The following GSE1 variants were observed in gnomAD, a reference collection of about 807,000 sequenced individuals.
GSE1 encodes genetic suppressor element 1.
Under a neutral mutation model 112.6 loss-of-function variants are expected in GSE1, and 32 were observed. That is an observed-to-expected ratio of 0.28 (90% CI 0.21 to 0.38). GSE1 has a LOEUF of 0.38. Ranked by LOEUF, GSE1 falls within the 10% of genes least tolerant of loss-of-function variation. The pLI is 1.00. For synonymous variants in GSE1, 1,115 were observed against 735.6 expected, an observed-to-expected ratio of 1.52 and a Z score of -8.35; for missense variants, 2,348 against 1,699.2, an observed-to-expected ratio of 1.38 and a Z score of -6.71.
chr16:85,448,889 G>GT (rs1444336279), intron 2 of GSE1, among the ~76,000 whole-genome samples: 1 of 152,220 alleles, frequency 6.6e-6, no homozygotes, highest in Non-Finnish European at 1.5e-5. Flanking sequence ...GTGAACTCCG[G>GT]TTTTGGGTCA....
chr16:85,374,969 C>T (rs931370790), intron 2 of GSE1, among the ~76,000 whole-genome samples: 5 of 152,204 alleles, frequency 3.3e-5, no homozygotes, highest in Admixed American at 2.6e-4. Context: ...CCCCGAGTGT[C>T]ATGGTAGAAA....
chr16:85,180,395 A>G (rs1597729857), intron 1 of GSE1, among the ~76,000 whole-genome samples: 3 of 152,160 alleles, frequency 2.0e-5, no homozygotes, highest in Admixed American at 2.0e-4. Context: ...CCTGCCCATC[A>G]TTAGTGTCAT....
intron 2 of GSE1, among the ~76,000 whole-genome samples, chr16:85,451,971 C>G (rs151318928): frequency 5.3e-5 from 8 of 152,124 alleles, no homozygotes; most frequent in South Asian, 2.1e-4. Context: ...GCCTCCCCCC[C>G]TCACCGAGTT....
rs552769444 is a variant in GSE1, at chr16:85,567,609, C to CT, written c.37+11247dup. Among the ~76,000 whole-genome samples, 1,450 of 152,344 alleles carry CT rather than the reference C, an allele frequency of 9.5e-3. 21 individuals carry two copies. The highest frequency in any genetic ancestry group is 0.033 in the African/African-American group (1,378 of 41,578). On this transcript the variant is annotated intron_variant, in intron 1 of 2. Transcript: ENST00000635906. ...GTGGTCCCAGCTCACAAGCGGAAAG[C>CT]TGCACGGCCTTTTAGGGCCTAGCCT...
chr16:85,331,707 AT>A lies in GSE1; in HGVS notation c.2284-25736del, dbSNP rs566551746. Among the ~76,000 whole-genome samples, 183 of 51,926 alleles carry A rather than the reference AT, an allele frequency of 3.5e-3. 4 individuals carry two copies. Among genetic ancestry groups the A allele is most frequent in the African/African-American group, 9.9e-3 (164 of 16,586 alleles). 34.1% of individuals were successfully genotyped at this position (51,926 alleles called of 152,430 possible). A position where few individuals can be genotyped will look rare whatever the true frequency, so the allele number is the denominator to read the frequency against. The stretch of plus-strand genomic sequence containing the variant: ...TGTGTATATATATATATATATATAT[AT>A]TTTTTTTTTTTTTTTTTTTAGTTAA... On this transcript the variant is annotated intron_variant, in intron 1 of 2. Coordinates refer to the GSE1 transcript ENST00000637419.
Position 85,666,235 on chromosome 16 carries a change from C to T in GSE1, c.3018C>T (p.His1006=). Residue 1006 remains histidine (H), a synonymous_variant, in exon 13 of 16, where the codon CAC becomes CAT. Coordinates refer to ENST00000253458, the MANE Select transcript of GSE1 (RefSeq NM_014615.5). ...AGGACATTCCTGTGCCGCTGTCCCACAGCACCAATGGGAAGAGCAAGCCGT... is the reference window on the plus strand; with the variant it reads ...AGGACATTCCTGTGCCGCTGTCCCATAGCACCAATGGGAAGAGCAAGCCGT... ...APKDIPVPLS[H]STNGKSKPWE... 2 of 1,613,824 alleles carry T rather than the reference C, an allele frequency of 1.2e-6. No individual in the cohort carries two copies. Among genetic ancestry groups the T allele is most frequent in the Non-Finnish European group, 1.7e-6 (2 of 1,180,044 alleles).
chr16:85,652,383 C>G (rs928076697), intron 3 of GSE1, among the ~76,000 whole-genome samples: 1 of 152,198 alleles, frequency 6.6e-6, no homozygotes, highest in Non-Finnish European at 1.5e-5. Flanking sequence ...AAGTTCCCGG[C>G]CCCACGCAGG....
chr16:85,389,392 G>T (rs2047780313), intron 2 of GSE1, among the ~76,000 whole-genome samples: 1 of 151,760 alleles, frequency 6.6e-6, no homozygotes, highest in South Asian at 2.1e-4. Flanking sequence ...CCCGGGCGGG[G>T]GAGGTTGCGG....
intron 1 of GSE1, among the ~76,000 whole-genome samples, chr16:85,566,169 G>C (rs141949059): frequency 6.8e-4 from 103 of 152,298 alleles, no homozygotes; most frequent in Middle Eastern, 6.8e-3. Context: ...ATAGCTCCCA[G>C]CTGTCATGCT....
chr16:85,589,388 G>A (rs2046866393), intron 1 of GSE1, among the ~76,000 whole-genome samples: 1 of 152,184 alleles, frequency 6.6e-6, no homozygotes, highest in African/African-American at 2.4e-5. Flanking sequence ...CTGGATGCTG[G>A]GTGGGCAGGG....
At chr16:85,482,824 A>G (rs1450173306) in intron 2 of GSE1, among the ~76,000 whole-genome samples, 1 of 152,118 alleles carries the variant, frequency 6.6e-6, no homozygotes, top group Admixed American at 6.5e-5. Context: ...CTAAAAATAC[A>G]AAGATTAGCC....
chr16:85,481,309 C>G (rs188027104), intron 2 of GSE1, among the ~76,000 whole-genome samples: 1 of 152,326 alleles, frequency 6.6e-6, no homozygotes, highest in East Asian at 1.9e-4. Flanking sequence ...GCGCATAGCA[C>G]AGTCAGTGGT....
chr16:85,273,881 G>C (rs1337862041), intron 1 of GSE1, among the ~76,000 whole-genome samples: 5 of 149,892 alleles, frequency 3.3e-5, no homozygotes, highest in Non-Finnish European at 7.4e-5. Context: ...TTTTTTAGTA[G>C]AGATGGGGTT....
intron 2 of GSE1, among the ~76,000 whole-genome samples, chr16:85,499,853 G>A (rs572790479): frequency 4.6e-5 from 7 of 152,324 alleles, no homozygotes; most frequent in Admixed American, 4.6e-4. Context: ...TGGACAGACT[G>A]TTACAGCCCA....
chr16:85,283,709 C>T (rs1216595294), intron 1 of GSE1, among the ~76,000 whole-genome samples: 2 of 152,330 alleles, frequency 1.3e-5, no homozygotes, highest in East Asian at 3.9e-4. Context: ...GTATTTATGG[C>T]TGTTGATTCT....
At chr16:85,561,274 T>C (rs1163164911) in intron 1 of GSE1, among the ~76,000 whole-genome samples, 1 of 151,996 alleles carries the variant, frequency 6.6e-6, no homozygotes. Context: ...GAAACTGAGG[T>C]ACAGAGAGAT....
At chr16:85,249,453 G>A (rs1274698623) in intron 1 of GSE1, among the ~76,000 whole-genome samples, 1 of 152,248 alleles carries the variant, frequency 6.6e-6, no homozygotes, top group African/African-American at 2.4e-5. Flanking sequence ...CCGTCAGCCC[G>A]TTTCAGACTG....
intron 2 of GSE1, among the ~76,000 whole-genome samples, chr16:85,487,815 G>A (rs1012137864): frequency 4.6e-5 from 7 of 152,360 alleles, no homozygotes; most frequent in Admixed American, 3.9e-4. Context: ...GCATCTGTGT[G>A]ACCTTGCACG....
Position 85,461,508 on chromosome 16 carries a change from G to C in GSE1, c.2464+103865G>C, listed in dbSNP as rs556428438. Among the ~76,000 whole-genome samples the C allele has an allele frequency of 2.0e-4, 31 of 152,276 alleles. 1 individual carries two copies. The South Asian group carries it at 6.2e-3, about 31-fold the overall frequency. On this transcript the variant is annotated intron_variant, in intron 2 of 2. Coordinates refer to the GSE1 transcript ENST00000637419. ...TTGGTCTGGGGGCAGGCCCACGCAA[G>C]GGGGGGAGGGGGCGCTGTGGTTTAA...
Sources: allele counts gnomAD v4.1 joint callset (sites outside exome capture counted in the v4.1 genomes callset), GRCh38; gene constraint gnomAD v4.1.1; transcripts MANE v1.5; gene names NCBI Gene and HGNC (gene_info 2026-07-23, HGNC 2026-07-21).